Variants in SHB observed in about 807,000 individuals in gnomAD.
SHB encodes SH2 domain containing adaptor protein B, also known as SH2 domain-containing adapter protein B.
Under a neutral mutation model 52.3 loss-of-function variants are expected in SHB, and 20 were observed. The ratio of observed to expected loss-of-function variants is 0.38; its 90% CI spans 0.27 to 0.56. The LOEUF is 0.56. SHB is among the 20% of genes least tolerant of loss of function. The pLI is 0.71. For missense variants in SHB, 825 were observed against 723.3 expected, an observed-to-expected ratio of 1.14 and a Z score of -1.61; for synonymous variants, 397 against 316.5, an observed-to-expected ratio of 1.25 and a Z score of -2.70.
intron 2 of SHB, among the ~76,000 whole-genome samples, chr9:37,984,345 C>T (rs1002708160): frequency 1.7e-4 from 26 of 152,182 alleles, no homozygotes; most frequent in Non-Finnish European, 2.8e-4. Context: ...CCACAACTCC[C>T]GAGGCCAGTG....
intron 4 of SHB, among the ~76,000 whole-genome samples, chr9:37,953,155 G>A (rs1172314944): frequency 1.3e-5 from 2 of 152,126 alleles, no homozygotes; most frequent in South Asian, 2.1e-4. Context: ...TGACTGCCAC[G>A]GAGGACAGAG....
chr9:37,951,041 G>A (rs1832560892), intron 4 of SHB, among the ~76,000 whole-genome samples: 1 of 152,210 alleles, frequency 6.6e-6, no homozygotes, highest in Non-Finnish European at 1.5e-5. Flanking sequence ...CCGTCCCCAT[G>A]CAATTCCTGC....
At chr9:37,984,648 C>T (rs1820782277) in intron 2 of SHB, among the ~76,000 whole-genome samples, 1 of 152,074 alleles carries the variant, frequency 6.6e-6, no homozygotes, top group Admixed American at 6.5e-5. Context: ...AGTCAGGTCC[C>T]TGAGGTGTTA....
intron 5 of SHB, among the ~76,000 whole-genome samples, chr9:37,921,097 C>T (rs960462626): frequency 4.6e-5 from 7 of 152,190 alleles, no homozygotes; most frequent in Non-Finnish European, 7.3e-5. Flanking sequence ...CTCAGTTCCA[C>T]GCCTTTTATG....
intron 1 of SHB, among the ~76,000 whole-genome samples, chr9:38,051,628 T>A (rs1381387455): frequency 6.6e-6 from 1 of 152,140 alleles, no homozygotes; most frequent in East Asian, 1.9e-4. Flanking sequence ...TGACACCAAC[T>A]CCCACCATCT....
At chr9:37,995,709 A>G (rs1820938645) in intron 2 of SHB, among the ~76,000 whole-genome samples, 1 of 152,202 alleles carries the variant, frequency 6.6e-6, no homozygotes, top group African/African-American at 2.4e-5. Flanking sequence ...CAATGAGACC[A>G]AGGGTGCTCG....
intron 3 of SHB, among the ~76,000 whole-genome samples, chr9:37,971,469 G>T (rs1223615521): frequency 6.6e-6 from 1 of 152,176 alleles, no homozygotes; most frequent in South Asian, 2.1e-4. Flanking sequence ...AATGGACTCT[G>T]TCCACAGACA....
At position 38,026,021 on chromosome 9, in the gene SHB, C is replaced by T. The variant is rs552659524; in HGVS notation, c.718-9890G>A. On this transcript the variant is annotated intron_variant, in intron 1 of 5. Coordinates refer to ENST00000377707, the MANE Select transcript of SHB (RefSeq NM_003028.3). ...CTTAATTCGAGGCATTTTTCTGCTT[C>T]TGATAGGCACAGCCTGTTGGTCCCC... Among the ~76,000 whole-genome samples, 4 of 152,354 alleles carry T rather than the reference C, an allele frequency of 2.6e-5. No individual in the cohort carries two copies. The East Asian group carries it at 5.8e-4, about 22-fold the overall frequency.
chr9:37,918,057 C>G lies in SHB; in HGVS notation c.*1764G>C, dbSNP rs998062330. ...CATGTGAACAGTGAGCTGGAACCACCTCCAAACAGTCTCTAAAGACATGAG... is the reference window on the plus strand; with the variant it reads ...CATGTGAACAGTGAGCTGGAACCACGTCCAAACAGTCTCTAAAGACATGAG... On this transcript the variant is annotated 3_prime_UTR_variant, in exon 6 of 6. Transcript: ENST00000377707. 6.6e-6 allele frequency among the ~76,000 whole-genome samples: 1 copy of G among 152,216 alleles called. No homozygotes were observed. The highest frequency in any genetic ancestry group is 2.4e-5 in the African/African-American group (1 of 41,462).
chr9:37,982,367 C>T (rs972435461), intron 2 of SHB, among the ~76,000 whole-genome samples: 1 of 151,814 alleles, frequency 6.6e-6, no homozygotes, highest in African/African-American at 2.4e-5. Flanking sequence ...GTGGTGGGCA[C>T]CTATAATCCC....
Position 38,027,056 on chromosome 9 carries a change from T to C in SHB, c.718-10925A>G, listed in dbSNP as rs185937304. ...GTGAAGGGCCCTTCCCACCCTGCCC[T>C]GAATTGCAGCTATGTGTAGGCCTGT... On this transcript the variant is annotated intron_variant, in intron 1 of 5. Transcript: ENST00000377707. Among the ~76,000 whole-genome samples, 501 of 152,354 alleles carry C rather than the reference T, an allele frequency of 3.3e-3. 1 individual carries two copies. Among genetic ancestry groups the C allele is most frequent in the African/African-American group, 0.011 (469 of 41,586 alleles).
intron 2 of SHB, among the ~76,000 whole-genome samples, chr9:37,997,145 C>T (rs1820956615): frequency 6.6e-6 from 1 of 152,194 alleles, no homozygotes. Context: ...AACTAGTCAT[C>T]GAACATCTTG....
chr9:37,920,193 G>A (rs753718162), intron 5 of SHB, among the ~76,000 whole-genome samples, 189 bp from the exon 6 acceptor site: 3 of 151,990 alleles, frequency 2.0e-5, no homozygotes, highest in Middle Eastern at 3.4e-3. Context: ...CCCCAATTCC[G>A]GCATCTGACC....
chr9:37,964,003 T>A (rs890103273), intron 3 of SHB, among the ~76,000 whole-genome samples: 4 of 152,212 alleles, frequency 2.6e-5, no homozygotes, highest in African/African-American at 9.6e-5. Flanking sequence ...TGAGGCCCCT[T>A]CTTCCCTCTA....
chr9:37,937,167 G>A (rs1832381194), intron 5 of SHB, among the ~76,000 whole-genome samples: 1 of 152,150 alleles, frequency 6.6e-6, no homozygotes, highest in Non-Finnish European at 1.5e-5. Context: ...CTCAGAGGCT[G>A]ACATGTCTTT....
chr9:38,067,558 G>A (rs1005746774), intron 1 of SHB, among the ~76,000 whole-genome samples: 6 of 152,220 alleles, frequency 3.9e-5, no homozygotes, highest in African/African-American at 1.4e-4. Flanking sequence ...CGTGAGCGGA[G>A]GGTGGAGGCT....
rs147227361 is a variant in SHB at position 37,936,164 on chromosome 9, C to T, written c.1346+12471G>A. On this transcript the variant is annotated intron_variant, in intron 5 of 5. Coordinates refer to ENST00000377707, the MANE Select transcript of SHB (RefSeq NM_003028.3). Reference sequence around the variant, plus strand: ...TTGGGAGGCAGAGGTTGCAGTGAGCCGAGATAGCGCCATTGCACTCCAGCC... The same window carrying T: ...TTGGGAGGCAGAGGTTGCAGTGAGCTGAGATAGCGCCATTGCACTCCAGCC... Among the ~76,000 whole-genome samples, 95 of 152,086 alleles carry T rather than the reference C, an allele frequency of 6.2e-4. 1 individual carries two copies. In the East Asian group the frequency reaches 0.018, roughly 28 times the overall value.
At chr9:37,966,527 C>G (rs945749472) in intron 3 of SHB, among the ~76,000 whole-genome samples, 1 of 152,236 alleles carries the variant, frequency 6.6e-6, no homozygotes, top group South Asian at 2.1e-4. Flanking sequence ...TGAAACCCCC[C>G]TTTCCTGGGC....
At chr9:37,927,476 A>T (rs987560150) in intron 5 of SHB, among the ~76,000 whole-genome samples, 4 of 152,214 alleles carry the variant, frequency 2.6e-5, no homozygotes, top group Non-Finnish European at 4.4e-5. Flanking sequence ...TCAAGCTCTA[A>T]GTTGGTGGCC....
Sources: allele counts gnomAD v4.1 joint callset (sites outside exome capture counted in the v4.1 genomes callset), GRCh38; gene constraint gnomAD v4.1.1; transcripts MANE v1.5; gene names NCBI Gene and HGNC (gene_info 2026-07-23, HGNC 2026-07-21).